Variants in EDC3 observed in about 807,000 individuals in gnomAD.
EDC3 encodes the protein enhancer of mRNA-decapping protein 3.
EDC3 carries 20 observed loss-of-function variants against 41.8 expected under a neutral mutation model. The ratio of observed to expected loss-of-function variants is 0.48; its 90% confidence interval spans 0.34 to 0.70. The LOEUF is 0.70. EDC3 is among the 30% of genes least tolerant of loss of function. The pLI is 0.01. For missense variants in EDC3, 444 were observed against 636.8 expected (o/e 0.70, Z 3.26); for synonymous variants, 206 against 243.2 (o/e 0.85, Z 1.42).
At chr15:74,680,751 A>T (rs757017305) in intron 1 of EDC3, among the ~76,000 whole-genome samples, 1 of 152,226 alleles carries the variant, frequency 6.6e-6, no homozygotes, top group Non-Finnish European at 1.5e-5. Flanking sequence ...TAATCTACAA[A>T]AAGTCTTAGA....
At chr15:74,635,220 A>G (rs1341188999) in intron 6 of EDC3, 189 bp downstream of exon 6, 7 of 705,560 alleles carry the variant, frequency 9.9e-6, no homozygotes, top group Non-Finnish European at 1.8e-5. Flanking sequence ...TCTTCATGTG[A>G]GTAGTTGGAG....
At chr15:74,647,007 CT>C (rs573421456) in intron 4 of EDC3, among the ~76,000 whole-genome samples, 1,504 of 134,208 alleles carry the variant, frequency 0.011, 4 homozygotes, top group East Asian at 0.012. Flanking sequence ...CTTTCCAGAC[CT>C]TTTTTTTTTT....
At chr15:74,653,637 T>TCA (rs1219012725) in intron 4 of EDC3, among the ~76,000 whole-genome samples, 1 of 152,128 alleles carries the variant, frequency 6.6e-6, no homozygotes, top group Non-Finnish European at 1.5e-5. Flanking sequence ...GTGCAACTGG[T>TCA]CACTACATAC....
At position 74,655,839 on chromosome 15, in the gene EDC3, A is replaced by G. The variant is rs1290995276; in HGVS notation, c.714T>C (p.Asn238=). The G allele has an allele frequency of 6.2e-7, 1 of 1,614,002 alleles. No individual in the cohort carries two copies. The highest frequency in any genetic ancestry group is 1.1e-5 in the South Asian group (1 of 91,088). ...CATGGCGGTACCGAGTGGGCCTTTC[A>G]TTTGGGATGCCCCGGGAACGGGTAC... is the stretch of plus-strand genomic sequence containing the variant. The part of the protein sequence containing the change: ...RSGTRSRGIP[N]ERPTRYRHDE... The change falls in exon 4 of 7, where the codon AAT becomes AAC. Residue 238 remains asparagine, a synonymous_variant. Transcript: ENST00000315127.
intron 3 of EDC3, among the ~76,000 whole-genome samples, chr15:74,658,056 A>G (rs2062572699): frequency 6.6e-6 from 1 of 152,158 alleles, no homozygotes; most frequent in East Asian, 1.9e-4. Flanking sequence ...CAGCCAAGGC[A>G]GAAGGTCTCA....
intron 1 of EDC3, among the ~76,000 whole-genome samples, chr15:74,686,797 G>A (rs1012432114): frequency 6.6e-6 from 1 of 150,762 alleles, no homozygotes; most frequent in African/African-American, 2.4e-5. Context: ...ATACATAAAT[G>A]AAGGGAAAGG....
chr15:74,687,488 C>T (rs1383064048), intron 1 of EDC3, among the ~76,000 whole-genome samples: 1 of 152,166 alleles, frequency 6.6e-6, no homozygotes, highest in African/African-American at 2.4e-5. Context: ...GGCAATTCTC[C>T]TTCCTCAGCC....
intron 5 of EDC3, 127 bp from the exon 6 acceptor site, chr15:74,635,753 C>A (rs914350165): frequency 5.5e-6 from 5 of 902,246 alleles, no homozygotes; most frequent in Non-Finnish European, 8.3e-6. Context: ...AAGTCCCAGG[C>A]TCCAGAGGGG....
At chr15:74,666,926 A>T (rs746041073) in intron 3 of EDC3, among the ~76,000 whole-genome samples, 7 of 152,202 alleles carry the variant, frequency 4.6e-5, no homozygotes, top group Non-Finnish European at 2.9e-5. Context: ...TTATGAATAT[A>T]TGAAACAAGT....
At chr15:74,657,122 T>C (rs576359340) in intron 3 of EDC3, among the ~76,000 whole-genome samples, 1 of 152,386 alleles carries the variant, frequency 6.6e-6, no homozygotes, top group East Asian at 1.9e-4. Context: ...ACTGTCACAC[T>C]GATCCTTTGC....
rs534596042 is a variant in EDC3, at chr15:74,653,463, A to C, written c.820+2270T>G. 5.9e-5 allele frequency among the ~76,000 whole-genome samples: 9 copies of C among 152,298 alleles called. No individual in the cohort carries two copies. The South Asian group carries it at 1.5e-3, about 25-fold the overall frequency. On this transcript the variant is annotated intron_variant, in intron 4 of 6. Coordinates refer to ENST00000315127, the MANE Select transcript of EDC3 (RefSeq NM_025083.5). ...ACAGAGAAAACCCCCCTGTAGAAGA[A>C]GTTGCTCAGTAAGATAACTGCCTGC... is the stretch of plus-strand genomic sequence containing the variant.
chr15:74,634,958 T>G (rs1347788883), intron 6 of EDC3: 4 of 410,956 alleles, frequency 9.7e-6, no homozygotes, highest in Non-Finnish European at 1.9e-5. Context: ...AGGCCCATCA[T>G]GACCTGACCC....
chr15:74,675,673 G>C (rs183060574), intron 1 of EDC3, among the ~76,000 whole-genome samples: 3 of 150,436 alleles, frequency 2.0e-5, no homozygotes, highest in African/African-American at 7.3e-5. Context: ...GAGGTCACGA[G>C]ATCAAGACCA....
chr15:74,684,935 G>T (rs142795087), intron 1 of EDC3, among the ~76,000 whole-genome samples: 251 of 152,174 alleles, frequency 1.6e-3, no homozygotes, highest in African/African-American at 6.0e-3. Context: ...CTCTATGAAT[G>T]GTTAGTTCCA....
chr15:74,648,857 A>G (rs1336380028), intron 4 of EDC3, among the ~76,000 whole-genome samples: 5 of 152,174 alleles, frequency 3.3e-5, no homozygotes. Context: ...AGGTTAAAGA[A>G]GTCTACCCAG....
chr15:74,693,792 C>A lies in EDC3; in HGVS notation c.-19+2088G>T, dbSNP rs530502693. On this transcript the variant is annotated intron_variant, in intron 1 of 6. Transcript: ENST00000315127. ...TGAGGTCGGGAGTTCGAGACCAGCC[C>A]GGCCAACATGGTGAAACCCCATCTC... is the stretch of plus-strand genomic sequence containing the variant. 1.4e-4 allele frequency among the ~76,000 whole-genome samples: 22 copies of A among 151,968 alleles called. No individual in the cohort carries two copies. In the South Asian group the frequency reaches 4.2e-3, roughly 29 times the overall value.
rs2062336381 is a variant in EDC3, at chr15:74,640,486, G to A, written c.954C>T (p.Thr318=). 6.2e-7 allele frequency: 1 copy of A among 1,614,014 alleles called. No homozygotes were observed. The highest frequency in any genetic ancestry group is 1.3e-5 in the African/African-American group (1 of 74,892). ...TTTACCTGTTAGGTCCTCCGAGGAG[G>A]GTCAGTGCCATCTGACTGGCACACA... ...TGVCASQMAL[T]LLGGPNRLNP... Residue 318 remains threonine (T), a synonymous_variant, in exon 5 of 7, where the codon ACC becomes ACT. Transcript: ENST00000315127.
intron 1 of EDC3, among the ~76,000 whole-genome samples, chr15:74,692,566 C>A (rs1171922790): frequency 2.6e-5 from 4 of 152,156 alleles, no homozygotes; most frequent in Non-Finnish European, 4.4e-5. Context: ...AAGGAAACCT[C>A]AGACCAATAT....
intron 4 of EDC3, 51 bp downstream of exon 4, chr15:74,655,682 T>C: frequency 6.5e-7 from 1 of 1,527,294 alleles, no homozygotes; most frequent in Non-Finnish European, 8.8e-7. Context: ...GTTTCAAGCA[T>C]AATAGAAAGG....
Sources: gnomAD v4.1 joint callset for allele counts (sites outside exome capture counted in the v4.1 genomes callset) on GRCh38, gnomAD v4.1.1 for gene constraint, MANE v1.5 for transcripts, NCBI Gene and HGNC (gene_info 2026-07-23, HGNC 2026-07-21) for gene names.